The following CD300LG variants were observed in gnomAD, a reference collection of about 807,000 sequenced individuals.
CD300LG encodes CMRF35-like molecule 9.
In CD300LG, 29 loss-of-function variants were observed where a neutral mutation model predicts 31.5. The ratio of observed to expected loss-of-function variants is 0.92; its 90% CI spans 0.68 to 1.25. The LOEUF (loss-of-function observed/expected upper bound fraction) is 1.25, where lower values mean the gene tolerates loss of function less well. Among genes scored for constraint, CD300LG ranks in the 50% most tolerant of loss-of-function variants. The pLI is 0.00. For missense variants in CD300LG, 396 were observed against 417.6 expected (o/e 0.95, Z 0.45); for synonymous variants, 175 against 177.2 (o/e 0.99, Z 0.10).
At chr17:43,848,533 A>G (rs749740007) in intron 1 of CD300LG, 25 bp from the exon 2 acceptor site, 6 of 1,582,698 alleles carry the variant, frequency 3.8e-6, no homozygotes, top group Admixed American at 1.7e-5. Flanking sequence ...GGTTTTTCCA[A>G]CCTCCACTCC....
chr17:43,847,507 A>G (rs530389468), intron 1 of CD300LG, among the ~76,000 whole-genome samples: 1 of 152,192 alleles, frequency 6.6e-6, no homozygotes, highest in East Asian at 1.9e-4. Flanking sequence ...TGGCTGTGAG[A>G]GTTGCTTTGC....
rs776444960 is a variant in CD300LG, at chr17:43,854,011, G to T, written c.686G>T (p.Ser229Ile). Reference protein sequence around the residue: ...QLDSTSAEDTSPALSSGSSKP... With the variant: ...QLDSTSAEDTIPALSSGSSKP... The stretch of plus-strand genomic sequence containing the variant: ...GACTCCACCTCAGCAGAGGACACCA[G>T]TCCAGCTCTCAGCAGTGGCAGCTCT... Residue 229 changes from serine (S) to isoleucine (I), a missense_variant, in exon 4 of 7, where the codon AGT (serine) becomes ATT (isoleucine). Ser to Ile is a moderately radical substitution (Grantham distance 142). Transcript: ENST00000317310. The T allele has an allele frequency of 2.5e-6, 4 of 1,614,224 alleles. No individual in the cohort carries two copies. Among genetic ancestry groups the T allele is most frequent in the Non-Finnish European group, 3.4e-6 (4 of 1,180,026 alleles).
rs1418164626 is a variant in CD300LG at position 43,848,545 on chromosome 17, G to T, written c.44-13G>T. ...CCTGGTTTTTCCAACCTCCACTCCT[G>T]CTCTGATTTTAGGTTATGAAGCCCT... On this transcript the variant is annotated splice_polypyrimidine_tract_variant and intron_variant, in intron 1 of 6. Transcript: ENST00000317310. 5 of 1,606,534 alleles carry T rather than the reference G, an allele frequency of 3.1e-6. No homozygotes were observed. The highest frequency in any genetic ancestry group is 1.3e-5 in the African/African-American group (1 of 74,720).
rs2046401398 is a variant in CD300LG, at chr17:43,852,910, A to G, written c.380-2A>G. The G allele has an allele frequency of 6.2e-7, 1 of 1,609,368 alleles. No individual in the cohort carries two copies. Among genetic ancestry groups the G allele is most frequent in the Non-Finnish European group, 8.5e-7 (1 of 1,177,468 alleles). On this transcript the variant is annotated splice_acceptor_variant, in intron 2 of 6. Transcript: ENST00000317310. LOFTEE classifies it high-confidence loss of function. ...TGAGAGCAGCCTTTCCCTTTCCTCT[A>G]GGACCCTGCTGTCCTCCCTCCCCTT...
In CD300LG at chr17:43,854,101, T is replaced by C. The variant is rs909094170; in HGVS notation, c.719+57T>C. On this transcript the variant is annotated intron_variant, in intron 4 of 6. Transcript: ENST00000317310. ...AGCCATCACTAAACCATAAGGTGCC[T>C]TTGAGAAAATAGGAACTCAACACTC... 3.8e-6 allele frequency: 5 copies of C among 1,330,632 alleles called. No homozygotes were observed. In the African/African-American group the frequency reaches 7.4e-5, roughly 20 times the overall value. The allele number at this position is 1,330,632 out of a possible 1,614,324, so 82.4% of individuals were successfully genotyped here.
At chr17:43,854,142 C>T (rs1598396436) in intron 4 of CD300LG, 98 bp downstream of exon 4, 15 of 895,660 alleles carry the variant, frequency 1.7e-5, no homozygotes, top group Middle Eastern at 2.2e-4. Flanking sequence ...TCTAAGCGGA[C>T]GCATCCTCTT....
chr17:43,860,901 T>A (rs936787167), intron 6 of CD300LG, among the ~76,000 whole-genome samples: 1 of 152,178 alleles, frequency 6.6e-6, no homozygotes, highest in Non-Finnish European at 1.5e-5. Context: ...CTTACCTAGT[T>A]TTACAGCTGA....
intron 5 of CD300LG, chr17:43,855,542 G>A: frequency 2.3e-6 from 1 of 442,572 alleles, no homozygotes; most frequent in Non-Finnish European, 4.0e-6. Context: ...AGGGTTCTCA[G>A]CTTCTTCCTG....
intron 2 of CD300LG, among the ~76,000 whole-genome samples, chr17:43,850,813 G>A (rs986809921): frequency 6.6e-6 from 1 of 152,036 alleles, no homozygotes; most frequent in Admixed American, 6.6e-5. Context: ...ATCTTTGCCT[G>A]AAGGCCCTAG....
chr17:43,848,719 G>C lies in CD300LG; in HGVS notation c.205G>C (p.Glu69Gln). Residue 69 changes from glutamate to glutamine, a missense_variant, in exon 2 of 7, where the codon GAA becomes CAA. Transcript: ENST00000317310. ...CTGCTCTGGCACCATCTATGCAGAA[G>C]AAGAAGGCCAGGAGACAATGAAGGG... ...SRCSGTIYAEEEGQETMKGRV... is the reference protein window; with the variant it reads ...SRCSGTIYAEQEGQETMKGRV... 1 of 1,614,176 alleles carries C rather than the reference G, an allele frequency of 6.2e-7. No homozygotes were observed. The highest frequency in any genetic ancestry group is 8.5e-7 in the Non-Finnish European group (1 of 1,180,030).
chr17:43,849,249 G>A (rs985138969), intron 2 of CD300LG: 1 of 414,706 alleles, frequency 2.4e-6, no homozygotes. Context: ...TCCTCGCCTG[G>A]TGTCAGAGAT....
chr17:43,861,678 G>A (rs1450217289), intron 6 of CD300LG, 120 bp from the exon 7 acceptor site: 3 of 594,210 alleles, frequency 5.0e-6, no homozygotes, highest in Middle Eastern at 2.7e-4. Context: ...GCAGATGGAC[G>A]GAGGGCTGGA....
chr17:43,858,191 T>A, intron 6 of CD300LG: 1 of 1,152,802 alleles, frequency 8.7e-7, no homozygotes, highest in South Asian at 2.4e-5. Context: ...GGGGTGGAAA[T>A]GGGACTTTGG....
intron 1 of CD300LG, 36 bp from the exon 2 acceptor site, chr17:43,848,522 T>C (rs1358495001): frequency 1.9e-6 from 3 of 1,558,778 alleles, no homozygotes; most frequent in Admixed American, 1.7e-5. Context: ...ACATGGAGCC[T>C]GGTTTTTCCA....
chr17:43,861,290 G>A (rs1156775061), intron 6 of CD300LG: 5 of 985,260 alleles, frequency 5.1e-6, no homozygotes, highest in Non-Finnish European at 4.8e-6. Flanking sequence ...GAGGGGCTGA[G>A]GAGCCACCTT....
intron 2 of CD300LG, among the ~76,000 whole-genome samples, chr17:43,851,057 C>T (rs964112571): frequency 6.7e-6 from 1 of 148,776 alleles, no homozygotes; most frequent in African/African-American, 2.5e-5. Flanking sequence ...TTGCTTCAAC[C>T]CGGGAGGCGG....
chr17:43,853,031 C>T lies in CD300LG; in HGVS notation c.481+18C>T, dbSNP rs1282742705. 1 of 1,594,738 alleles carries T rather than the reference C, an allele frequency of 6.3e-7. No homozygotes were observed. On this transcript the variant is annotated intron_variant, in intron 3 of 6. Transcript: ENST00000317310. ...AGGATTGAGTGAGTGAATGGCAATT[C>T]CGCCCCTTCCCTTGCCACCCTTCTT... is the stretch of plus-strand genomic sequence containing the variant.
chr17:43,862,082 G>GT lies in CD300LG; in HGVS notation c.*174dup. The GT allele has an allele frequency of 2.0e-6, 1 of 504,308 alleles. No individual in the cohort carries two copies. The highest frequency in any genetic ancestry group is 3.4e-5 in the East Asian group (1 of 29,108). 31.2% of individuals were successfully genotyped at this position (504,308 alleles called of 1,614,324 possible). On this transcript the variant is annotated 3_prime_UTR_variant, in exon 7 of 7. Transcript: ENST00000317310. ...GCATGTTCCAGCCTGACCTAGAAGC[G>GT]TTTGTCAGCCCTGGAGCCCAGAGCG...
chr17:43,848,920 C>A, intron 2 of CD300LG, 27 bp downstream of exon 2: 1 of 1,588,736 alleles, frequency 6.3e-7, no homozygotes, highest in South Asian at 1.1e-5. Context: ...CTTCCCCAGG[C>A]TGGGGACAGG....
Sources: gnomAD v4.1 joint callset for allele counts (sites outside exome capture counted in the v4.1 genomes callset) on GRCh38, gnomAD v4.1.1 for gene constraint, MANE v1.5 for transcripts, NCBI Gene and HGNC (gene_info 2026-07-23, HGNC 2026-07-21) for gene names.